PLLP: variants seen among roughly 807,000 people sequenced by gnomAD.
PLLP encodes plasmolipin, also known as plasma membrane proteolipid (plasmolipin).
A neutral mutation model predicts 19.7 loss-of-function variants in PLLP; 15 were observed. That is an observed-to-expected ratio of 0.76 (90% CI 0.51 to 1.17). The LOEUF is 1.17. Ranked by LOEUF, PLLP falls within the 50% of genes most tolerant of loss-of-function variation. The probability of loss-of-function intolerance (pLI) is 0.00; values close to 1 mark genes in which losing one functional copy is unlikely to be tolerated. For missense variants in PLLP, 255 were observed against 258.3 expected (o/e 0.99, Z 0.09); for synonymous variants, 111 against 116.3 (o/e 0.95, Z 0.29).
chr16:57,261,393 G>A (rs2075441298), intron 2 of PLLP, among the ~76,000 whole-genome samples: 1 of 152,084 alleles, frequency 6.6e-6, no homozygotes, highest in South Asian at 2.1e-4. Flanking sequence ...ACAAAGTCAA[G>A]CCTGTGTCCT....
rs1316504198 is a variant in PLLP, at chr16:57,284,631, G to A, written c.-91C>T. 4.2e-6 allele frequency: 5 copies of A among 1,200,688 alleles called. No homozygotes were observed. The highest frequency in any genetic ancestry group is 5.3e-6 in the Non-Finnish European group (5 of 944,490). 74.4% of individuals were successfully genotyped at this position (1,200,688 alleles called of 1,614,324 possible). The stretch of plus-strand genomic sequence containing the variant: ...GGCTCCCGCGCCGCTTTTCCCCCAG[G>A]CTCCGGATCCCTGTGTGGCTCCAGG... On this transcript the variant is annotated 5_prime_UTR_variant, in exon 1 of 4. Coordinates refer to ENST00000219207, the MANE Select transcript of PLLP (RefSeq NM_015993.3).
chr16:57,257,880 G>T (rs1355114618), intron 3 of PLLP, among the ~76,000 whole-genome samples: 2 of 152,094 alleles, frequency 1.3e-5, no homozygotes, highest in African/African-American at 2.4e-5. Flanking sequence ...TTACAACAAG[G>T]TTCAATAGTC....
chr16:57,284,341 C>T, intron 1 of PLLP, 65 bp downstream of exon 1: 1 of 1,265,514 alleles, frequency 7.9e-7, no homozygotes, highest in South Asian at 2.2e-5. Context: ...GCGCCGGAGT[C>T]CCTCACCCAT....
At chr16:57,274,722 G>T (rs1901126969) in intron 1 of PLLP, among the ~76,000 whole-genome samples, 1 of 150,466 alleles carries the variant, frequency 6.6e-6, no homozygotes, top group Non-Finnish European at 1.5e-5. Flanking sequence ...CAAAATGCTG[G>T]GATTACAGGT....
At chr16:57,262,801 C>T (rs1229859421) in intron 1 of PLLP, among the ~76,000 whole-genome samples, 2 of 152,128 alleles carry the variant, frequency 1.3e-5, no homozygotes, top group Non-Finnish European at 2.9e-5. Context: ...TACCGGGGCC[C>T]TGCCCTGCAC....
rs142545271 is a variant in PLLP at position 57,279,347 on chromosome 16, CTCT to C, written c.135+5056_135+5058del. Among the ~76,000 whole-genome samples the C allele has an allele frequency of 8.8e-3, 1,328 of 150,388 alleles. 17 individuals are homozygous for C. Among genetic ancestry groups the C allele is most frequent in the Middle Eastern group, 0.01 (3 of 290 alleles). ...GATCATGGAGATCTAGGGAAGGCTT[CTCT>C]TCTTCTTCTTCCTTTTTTTTTTTTT... On this transcript the variant is annotated intron_variant, in intron 1 of 3. Transcript: ENST00000219207.
At chr16:57,269,187 G>A (rs79725162) in intron 1 of PLLP, among the ~76,000 whole-genome samples, 6,771 of 152,266 alleles carry the variant, frequency 0.044, 402 homozygotes, top group South Asian at 0.26. Flanking sequence ...GAGATTTCCC[G>A]CAGAGGTCAA....
intron 1 of PLLP, among the ~76,000 whole-genome samples, chr16:57,266,508 A>T (rs899221614): frequency 1.3e-5 from 2 of 152,108 alleles, no homozygotes; most frequent in African/African-American, 2.4e-5. Flanking sequence ...CTGGGTTAAT[A>T]TATTTAACAA....
intron 1 of PLLP, among the ~76,000 whole-genome samples, chr16:57,268,651 T>C (rs1162825074): frequency 1.3e-5 from 2 of 152,118 alleles, no homozygotes; most frequent in Non-Finnish European, 2.9e-5. Context: ...CCACCACTCC[T>C]AGCTATTTTT....
intron 2 of PLLP, among the ~76,000 whole-genome samples, chr16:57,261,591 C>T (rs150657087): frequency 2.0e-5 from 3 of 152,172 alleles, no homozygotes; most frequent in Admixed American, 6.6e-5. Flanking sequence ...CATGGTGGCA[C>T]GTGCCTGTAG....
chr16:57,274,962 C>T (rs1170707024), intron 1 of PLLP, among the ~76,000 whole-genome samples: 1 of 151,622 alleles, frequency 6.6e-6, no homozygotes, highest in Non-Finnish European at 1.5e-5. Context: ...GGGGTTTCAC[C>T]GTGTTAGCCA....
At chr16:57,267,875 CAA>C (rs71152241) in intron 1 of PLLP, among the ~76,000 whole-genome samples, 15 of 65,632 alleles carry the variant, frequency 2.3e-4, no homozygotes, top group Non-Finnish European at 3.1e-4. Context: ...AACTCCGTCT[CAA>C]AAAAAAAAAA....
chr16:57,262,193 G>T, intron 1 of PLLP, 123 bp from the exon 2 acceptor site: 1 of 887,946 alleles, frequency 1.1e-6, no homozygotes, highest in Non-Finnish European at 1.7e-6. Context: ...AGCCCAAGGT[G>T]TAATAATCGC....
chr16:57,276,266 G>A (rs1466788867), intron 1 of PLLP, among the ~76,000 whole-genome samples: 1 of 152,120 alleles, frequency 6.6e-6, no homozygotes, highest in Non-Finnish European at 1.5e-5. Context: ...AGGCCAGTCT[G>A]GCCGACATGG....
chr16:57,269,437 C>G (rs1248671137), intron 1 of PLLP, among the ~76,000 whole-genome samples: 1 of 152,152 alleles, frequency 6.6e-6, no homozygotes, highest in Admixed American at 6.5e-5. Flanking sequence ...AGGGGGACAC[C>G]TGCTCACCTC....
At chr16:57,271,437 C>T (rs557737570) in intron 1 of PLLP, among the ~76,000 whole-genome samples, 13 of 151,970 alleles carry the variant, frequency 8.6e-5, no homozygotes, top group Admixed American at 6.6e-4. Context: ...TGAGGTCAGG[C>T]GTTCCAGACC....
At chr16:57,270,311 T>A in intron 1 of PLLP, among the ~76,000 whole-genome samples, 2 of 69,328 alleles carry the variant, frequency 2.9e-5, no homozygotes. Flanking sequence ...CCCCAGCCCC[T>A]GAGTCCATCC....
At chr16:57,272,578 G>A (rs1231481869) in intron 1 of PLLP, among the ~76,000 whole-genome samples, 5 of 152,030 alleles carry the variant, frequency 3.3e-5, no homozygotes, top group South Asian at 4.2e-4. Context: ...CTGGACTTCC[G>A]GCAACACTGG....
At chr16:57,270,956 T>C (rs575309351) in intron 1 of PLLP, among the ~76,000 whole-genome samples, 4 of 152,100 alleles carry the variant, frequency 2.6e-5, no homozygotes, top group Admixed American at 6.5e-5. Context: ...TTCTATGCCC[T>C]GGGAACACAG....
Sources: gnomAD v4.1 joint callset for allele counts (sites outside exome capture counted in the v4.1 genomes callset) on GRCh38, gnomAD v4.1.1 for gene constraint, MANE v1.5 for transcripts, NCBI Gene and HGNC (gene_info 2026-07-23, HGNC 2026-07-21) for gene names.